The following PRAMEF17 variants were observed in gnomAD, a reference collection of about 807,000 sequenced individuals.
PRAMEF17 encodes the protein PRAME family member 17.
Under a neutral mutation model 36.8 loss-of-function variants are expected in PRAMEF17, and 48 were observed. The ratio of observed to expected loss-of-function variants is 1.30; its 90% CI spans 1.03 to 1.66. The LOEUF is 1.66. PRAMEF17 is among the 40% of genes most tolerant of loss of function. The pLI is 0.00. For synonymous variants in PRAMEF17, 246 were observed against 220.4 expected, an observed-to-expected ratio of 1.12 and a Z score of -1.03; for missense variants, 639 against 560.6, an observed-to-expected ratio of 1.14 and a Z score of -1.41.
chr1:13,389,756 G>T lies in PRAMEF17; in HGVS notation c.99G>T (p.Arg33Ser). 1 of 1,612,488 alleles carries T rather than the reference G, an allele frequency of 6.2e-7. No homozygotes were observed. Among genetic ancestry groups the T allele is most frequent in the Non-Finnish European group, 8.5e-7 (1 of 1,180,018 alleles). ...TCTTCATCCTGGACGAGCTGCCCAG[G>T]GAGGTCTTCCCTCTGATGTTCATGG... The part of the protein sequence containing the change: ...LTIFILDELP[R>S]EVFPLMFMEA... Residue 33 changes from arginine to serine, a missense_variant, in exon 1 of 3, where the codon AGG becomes AGT. Coordinates refer to ENST00000376098, the MANE Select transcript of PRAMEF17 (RefSeq NM_001099851.3).
At position 13,390,600 on chromosome 1, in the gene PRAMEF17, A is replaced by C; in HGVS notation, c.547A>C (p.Asn183His). Residue 183 changes from asparagine to histidine, a missense_variant, in exon 2 of 3, where the codon AAT becomes CAT. Transcript: ENST00000376098. ...YRRGLVHLCC[N>H]KVQNYSMPTS... ...AAGAGGTCTAGTGCACCTGTGTTGTAATAAGGTGCAGAATTACTCAATGCC... is the reference window on the plus strand; with the variant it reads ...AAGAGGTCTAGTGCACCTGTGTTGTCATAAGGTGCAGAATTACTCAATGCC... 1 of 1,612,018 alleles carries C rather than the reference A, an allele frequency of 6.2e-7. No individual in the cohort carries two copies. The highest frequency in any genetic ancestry group is 8.5e-7 in the Non-Finnish European group (1 of 1,179,864).
chr1:13,389,728 C>T lies in PRAMEF17; in HGVS notation c.71C>T (p.Thr24Ile). Residue 24 changes from threonine (T) to isoleucine (I), a missense_variant, in exon 1 of 3, where the codon ACC becomes ATC. Thr to Ile is a moderately conservative substitution (Grantham distance 89, BLOSUM62 -1). Coordinates refer to ENST00000376098, the MANE Select transcript of PRAMEF17 (RefSeq NM_001099851.3). Reference sequence around the variant, plus strand: ...AGCCTGCTGAGGAACCAGTTCTTGACCATCTTCATCCTGGACGAGCTGCCC... The same window carrying T: ...AGCCTGCTGAGGAACCAGTTCTTGATCATCTTCATCCTGGACGAGCTGCCC... Reference protein sequence around the residue: ...GQSLLRNQFLTIFILDELPRE... With the variant: ...GQSLLRNQFLIIFILDELPRE... 6.2e-7 allele frequency: 1 copy of T among 1,612,168 alleles called. No homozygotes were observed. Among genetic ancestry groups the T allele is most frequent in the Non-Finnish European group, 8.5e-7 (1 of 1,179,968 alleles).
chr1:13,392,441 T>A lies in PRAMEF17; in HGVS notation c.1364T>A (p.Ile455Asn), dbSNP rs1270089220. The stretch of plus-strand genomic sequence containing the variant: ...CCCAAGAGGATCTTTTTTGGTCCCA[T>A]CCCCTGCCCTTCCTGTGGCTCATGG... Reference protein sequence around the residue: ...RQPKRIFFGPIPCPSCGSWPS... With the variant: ...RQPKRIFFGPNPCPSCGSWPS... The change falls in exon 3 of 3, where the codon ATC becomes AAC. Residue 455 changes from isoleucine to asparagine, a missense_variant. Transcript: ENST00000376098. 1 of 1,611,990 alleles carries A rather than the reference T, an allele frequency of 6.2e-7. No homozygotes were observed. The highest frequency in any genetic ancestry group is 1.1e-5 in the South Asian group (1 of 90,980).
chr1:13,390,543 C>T lies in PRAMEF17; in HGVS notation c.490C>T (p.Leu164=), dbSNP rs768301704. Residue 164 remains leucine, a synonymous_variant, in exon 2 of 3, where the codon CTG becomes TTG. Transcript: ENST00000376098. ...AAAGGAAAGTACACTGGATGAATGCCTGAGCTACCTCTGCAGGTGGATCCA... is the reference window on the plus strand; with the variant it reads ...AAAGGAAAGTACACTGGATGAATGCTTGAGCTACCTCTGCAGGTGGATCCA... ...CQKESTLDEC[L]SYLCRWIHYR... 6.2e-7 allele frequency: 1 copy of T among 1,612,000 alleles called. No individual in the cohort carries two copies. Among genetic ancestry groups the T allele is most frequent in the Non-Finnish European group, 8.5e-7 (1 of 1,179,870 alleles).
chr1:13,390,308 A>G, intron 1 of PRAMEF17, 33 bp from the exon 2 acceptor site: 3 of 1,611,976 alleles, frequency 1.9e-6, no homozygotes, highest in Non-Finnish European at 2.5e-6. Flanking sequence ...GTCTTTGCCT[A>G]CATTCTGAGC....
At position 13,392,358 on chromosome 1, in the gene PRAMEF17, G is replaced by T; in HGVS notation, c.1281G>T (p.Trp427Cys). The T allele has an allele frequency of 1.2e-6, 2 of 1,611,938 alleles. No individual in the cohort carries two copies. Among genetic ancestry groups the T allele is most frequent in the East Asian group, 2.2e-5 (1 of 44,870 alleles). ...ECLDNRGHVN[W>C]EILAPIRAEL... Reference sequence around the variant, plus strand: ...TTGACAACAGGGGTCATGTCAATTGGGAGATCCTCGCCCCAATTCGGGCTG... The same window carrying T: ...TTGACAACAGGGGTCATGTCAATTGTGAGATCCTCGCCCCAATTCGGGCTG... Residue 427 changes from tryptophan to cysteine, a missense_variant, in exon 3 of 3, where the codon TGG (tryptophan) becomes TGT (cysteine). Trp to Cys is a radical substitution (Grantham distance 215, BLOSUM62 -2). Transcript: ENST00000376098.
Position 13,390,675 on chromosome 1 carries a change from C to T in PRAMEF17, c.622C>T (p.Gln208Ter), listed in dbSNP as rs747965235. ...LLKRVYPDSI[Q>*]ELEIKRKCSL... ...GAAAAGGGTATACCCAGACAGTATC[C>T]AGGAGTTGGAAATTAAGAGAAAGTG... Residue 208 changes from glutamine to a stop codon, truncating the protein, a stop_gained, in exon 2 of 3, where the codon CAG (glutamine) becomes TAG (stop). Transcript: ENST00000376098. LOFTEE classifies it high-confidence loss of function. 410 of 1,611,718 alleles carry T rather than the reference C, an allele frequency of 2.5e-4. No homozygotes were observed. The highest frequency in any genetic ancestry group is 2.8e-4 in the Non-Finnish European group (331 of 1,179,818).
chr1:13,390,201 G>A, intron 1 of PRAMEF17, 140 bp from the exon 2 acceptor site: 1 of 1,449,540 alleles, frequency 6.9e-7, no homozygotes, highest in Non-Finnish European at 9.5e-7. Flanking sequence ...GAATCCAAGG[G>A]GGAGCGGGAT....
chr1:13,389,856 G>A lies in PRAMEF17; in HGVS notation c.199G>A (p.Gly67Arg). Residue 67 changes from glycine to arginine, a missense_variant, in exon 1 of 3, where the codon GGA becomes AGA. By Grantham distance (125) the Gly-to-Arg change is moderately radical (BLOSUM62 -2). Coordinates refer to ENST00000376098, the MANE Select transcript of PRAMEF17 (RefSeq NM_001099851.3). ...QAWPFLRLPL[G>R]SLMKTPHLET... Reference sequence around the variant, plus strand: ...CTGGCCCTTCCTCCGCCTCCCTCTGGGATCCCTGATGAAGACACCTCATCT... The same window carrying A: ...CTGGCCCTTCCTCCGCCTCCCTCTGAGATCCCTGATGAAGACACCTCATCT... The A allele has an allele frequency of 6.2e-7, 1 of 1,613,634 alleles. No homozygotes were observed. Among genetic ancestry groups the A allele is most frequent in the Non-Finnish European group, 8.5e-7 (1 of 1,180,034 alleles).
rs1311823982 is a variant in PRAMEF17 at position 13,390,804 on chromosome 1, G to T, written c.751G>T (p.Gly251Cys). 1.2e-6 allele frequency: 2 copies of T among 1,611,702 alleles called. No individual in the cohort carries two copies. The highest frequency in any genetic ancestry group is 1.3e-5 in the African/African-American group (1 of 74,726). Residue 251 changes from glycine to cysteine, a missense_variant, in exon 2 of 3, where the codon GGC becomes TGC. By Grantham distance (159) the Gly-to-Cys change is radical. Coordinates refer to ENST00000376098, the MANE Select transcript of PRAMEF17 (RefSeq NM_001099851.3). ...TTATGACGATGAGTTATATGTAAGC[G>T]GCCAACAGCAGTTCGTTCCTGACTT... ...FGYDDELYVS[G>C]QQQFVPDLDC...
chr1:13,390,556 G>C lies in PRAMEF17; in HGVS notation c.503G>C (p.Cys168Ser). 6.2e-7 allele frequency: 1 copy of C among 1,611,984 alleles called. No homozygotes were observed. The highest frequency in any genetic ancestry group is 8.5e-7 in the Non-Finnish European group (1 of 1,179,870). Residue 168 changes from cysteine (C) to serine (S), a missense_variant, in exon 2 of 3, where the codon TGC (cysteine) becomes TCC (serine). Physicochemically the swap from Cys to Ser is moderately radical, Grantham distance 112. Transcript: ENST00000376098. ...CTGGATGAATGCCTGAGCTACCTCT[G>C]CAGGTGGATCCACTACAGAAGAGGT... ...STLDECLSYL[C>S]RWIHYRRGLV...
At chr1:13,391,133 G>A (rs1323824017) in intron 2 of PRAMEF17, among the ~76,000 whole-genome samples, 1 of 152,322 alleles carries the variant, frequency 6.6e-6, no homozygotes, top group East Asian at 1.9e-4. Flanking sequence ...GATGGCCCGG[G>A]GCAGATGCTA....
rs984439612 is a variant in PRAMEF17 at position 13,390,919 on chromosome 1, G to T, written c.866G>T (p.Arg289Met). 28 of 1,611,886 alleles carry T rather than the reference G, an allele frequency of 1.7e-5. No individual in the cohort carries two copies. In the African/African-American group the frequency reaches 2.7e-4, roughly 15 times the overall value. Reference protein sequence around the residue: ...NIKEHLEHLLRCLKNPLGTFI... With the variant: ...NIKEHLEHLLMCLKNPLGTFI... ...AAAGAGCACCTGGAGCACCTGCTCA[G>T]GTAAGAAAGGATGGTGAGCTTTCTC... The change falls in exon 2 of 3, where the codon AGG (arginine) becomes ATG (methionine). Residue 289 changes from arginine to methionine, a missense_variant and splice_region_variant. Coordinates refer to ENST00000376098, the MANE Select transcript of PRAMEF17 (RefSeq NM_001099851.3).
chr1:13,392,022 G>T lies in PRAMEF17; in HGVS notation c.945G>T (p.Gln315His). ...LADQDMECLS[Q>H]YPSLSQLKEL... ...ATCAGGACATGGAGTGTCTGTCTCAGTACCCAAGCCTCAGTCAGCTAAAGG... is the reference window on the plus strand; with the variant it reads ...ATCAGGACATGGAGTGTCTGTCTCATTACCCAAGCCTCAGTCAGCTAAAGG... Residue 315 changes from glutamine to histidine, a missense_variant, in exon 3 of 3, where the codon CAG (glutamine) becomes CAT (histidine). By Grantham distance (24) the Gln-to-His change is conservative. Transcript: ENST00000376098. 3 of 1,611,820 alleles carry T rather than the reference G, an allele frequency of 1.9e-6. No individual in the cohort carries two copies. Among genetic ancestry groups the T allele is most frequent in the Non-Finnish European group, 2.5e-6 (3 of 1,179,820 alleles).
rs1640871946 is a variant in PRAMEF17 at position 13,390,890 on chromosome 1, T to C, written c.837T>C (p.Asn279=). The change falls in exon 2 of 3, where the codon AAT becomes AAC. Residue 279 remains asparagine, a synonymous_variant. Coordinates refer to ENST00000376098, the MANE Select transcript of PRAMEF17 (RefSeq NM_001099851.3). ...PQMLYIRKIS[N]IKEHLEHLLR... ...TGCTTTATATAAGAAAGATCAGTAATATCAAAGAGCACCTGGAGCACCTGC... is the reference window on the plus strand; with the variant it reads ...TGCTTTATATAAGAAAGATCAGTAACATCAAAGAGCACCTGGAGCACCTGC... 3 of 1,611,906 alleles carry C rather than the reference T, an allele frequency of 1.9e-6. No homozygotes were observed. The highest frequency in any genetic ancestry group is 4.5e-5 in the East Asian group (2 of 44,896).
At chr1:13,390,999 C>T (rs1278513098) in intron 2 of PRAMEF17, 80 bp downstream of exon 2, 1 of 1,582,420 alleles carries the variant, frequency 6.3e-7, no homozygotes, top group African/African-American at 1.3e-5. Context: ...TAGTGGGCAT[C>T]TACTGTGTGC....
At position 13,390,410 on chromosome 1, in the gene PRAMEF17, C is replaced by T; in HGVS notation, c.357C>T (p.Ala119=). The change falls in exon 2 of 3, where the codon GCC becomes GCT. Residue 119 remains alanine (A), a synonymous_variant. Coordinates refer to ENST00000376098, the MANE Select transcript of PRAMEF17 (RefSeq NM_001099851.3). ...ATTTCTGGACTATATGGTCTGGAGC[C>T]AGGGCCCTCTCCTGCTCCCCAGAGG... ...DGNFWTIWSG[A]RALSCSPEAM... is the part of the protein sequence containing the mutation. The T allele has an allele frequency of 1.2e-6, 2 of 1,611,950 alleles. No individual in the cohort carries two copies. The highest frequency in any genetic ancestry group is 1.7e-6 in the Non-Finnish European group (2 of 1,179,852).
chr1:13,389,857 G>A lies in PRAMEF17; in HGVS notation c.200G>A (p.Gly67Glu). The A allele has an allele frequency of 1.1e-5, 17 of 1,613,648 alleles. 1 individual carries two copies. The South Asian group carries it at 1.9e-4, about 18-fold the overall frequency. Reference protein sequence around the residue: ...QAWPFLRLPLGSLMKTPHLET... With the variant: ...QAWPFLRLPLESLMKTPHLET... The stretch of plus-strand genomic sequence containing the variant: ...TGGCCCTTCCTCCGCCTCCCTCTGG[G>A]ATCCCTGATGAAGACACCTCATCTG... The change falls in exon 1 of 3, where the codon GGA becomes GAA. Residue 67 changes from glycine (G) to glutamate (E), a missense_variant. By Grantham distance (98) the Gly-to-Glu change is moderately conservative. Transcript: ENST00000376098.
In PRAMEF17 at chr1:13,390,697, A is replaced by T. The variant is rs1640868865; in HGVS notation, c.644A>T (p.Lys215Met). The T allele has an allele frequency of 6.2e-7, 1 of 1,611,882 alleles. No individual in the cohort carries two copies. Among genetic ancestry groups the T allele is most frequent in the African/African-American group, 1.3e-5 (1 of 74,858 alleles). ...DSIQELEIKR[K>M]CSLNKTGKFA... Reference sequence around the variant, plus strand: ...ATCCAGGAGTTGGAAATTAAGAGAAAGTGCTCTCTGAATAAAACAGGAAAG... The same window carrying T: ...ATCCAGGAGTTGGAAATTAAGAGAATGTGCTCTCTGAATAAAACAGGAAAG... Residue 215 changes from lysine (K) to methionine (M), a missense_variant, in exon 2 of 3, where the codon AAG (lysine) becomes ATG (methionine). Coordinates refer to ENST00000376098, the MANE Select transcript of PRAMEF17 (RefSeq NM_001099851.3).
Sources: allele counts gnomAD v4.1 joint callset (sites outside exome capture counted in the v4.1 genomes callset), GRCh38; gene constraint gnomAD v4.1.1; transcripts MANE v1.5; gene names NCBI Gene and HGNC (gene_info 2026-07-23, HGNC 2026-07-21).